The following GABBR2 variants were observed in gnomAD, a reference collection of about 807,000 sequenced individuals.
The protein encoded by GABBR2 is gamma-aminobutyric acid type B receptor subunit 2.
GABBR2 carries 23 observed loss-of-function variants against 105.6 expected under a neutral mutation model. The ratio of observed to expected loss-of-function variants is 0.22; its 90% confidence interval spans 0.16 to 0.31. The LOEUF (loss-of-function observed/expected upper bound fraction) is 0.31, where lower values mean the gene tolerates loss of function less well. GABBR2 is among the 10% of genes least tolerant of loss of function. The probability of loss-of-function intolerance (pLI) is 1.00; values close to 1 mark genes in which losing one functional copy is unlikely to be tolerated. For synonymous variants in GABBR2, 478 were observed against 499.7 expected (o/e 0.96, Z 0.58); for missense variants, 734 against 1,245.5 (o/e 0.59, Z 6.18).
intron 14 of GABBR2, among the ~76,000 whole-genome samples, chr9:98,308,613 C>T (rs1209136213): frequency 6.6e-6 from 1 of 151,982 alleles, no homozygotes; most frequent in African/African-American, 2.4e-5. Context: ...CAAAGGAGAC[C>T]CTTGGGGAGA....
At position 98,311,574 on chromosome 9, in the gene GABBR2, G is replaced by C. The variant is rs1345697422; in HGVS notation, c.1894-369C>G. Among the ~76,000 whole-genome samples the C allele has an allele frequency of 3.9e-5, 6 of 152,326 alleles. No homozygotes were observed. In the East Asian group the frequency reaches 9.6e-4, roughly 24 times the overall value. ...GTTGTGAGAATGAGGTATAAAGTTAGGTCAGGAGGTCTTCAGGTATCTCTG... is the reference window on the plus strand; with the variant it reads ...GTTGTGAGAATGAGGTATAAAGTTACGTCAGGAGGTCTTCAGGTATCTCTG... On this transcript the variant is annotated intron_variant, in intron 13 of 18. Transcript: ENST00000259455.
intron 13 of GABBR2, among the ~76,000 whole-genome samples, chr9:98,323,894 T>C (rs1830870041): frequency 6.6e-6 from 1 of 152,228 alleles, no homozygotes; most frequent in Non-Finnish European, 1.5e-5. Flanking sequence ...ATCAGGACTC[T>C]GTACCACGTG....
At chr9:98,402,662 G>T (rs1832414946) in intron 8 of GABBR2, among the ~76,000 whole-genome samples, 1 of 152,122 alleles carries the variant, frequency 6.6e-6, no homozygotes, top group Non-Finnish European at 1.5e-5. Flanking sequence ...GGCAACCGAG[G>T]CTCAGTCCTA....
chr9:98,559,713 A>G (rs1828637872), intron 2 of GABBR2, among the ~76,000 whole-genome samples: 1 of 152,340 alleles, frequency 6.6e-6, no homozygotes, highest in Admixed American at 6.5e-5. Flanking sequence ...CCCAGTTTAC[A>G]CTGGCACAAA....
At chr9:98,422,496 C>G (rs989302553) in intron 7 of GABBR2, among the ~76,000 whole-genome samples, 6 of 146,472 alleles carry the variant, frequency 4.1e-5, no homozygotes, top group Admixed American at 1.4e-4. Context: ...CTTAATGCAC[C>G]TGTGTGTGTG....
intron 11 of GABBR2, among the ~76,000 whole-genome samples, chr9:98,376,337 T>C (rs1322295200): frequency 6.6e-6 from 1 of 152,218 alleles, no homozygotes; most frequent in Non-Finnish European, 1.5e-5. Flanking sequence ...ATGGGACTGC[T>C]GTGCTCCGGG....
chr9:98,665,081 A>G (rs1209518173), intron 1 of GABBR2, among the ~76,000 whole-genome samples: 1 of 152,208 alleles, frequency 6.6e-6, no homozygotes. Flanking sequence ...AGACTAGGCA[A>G]CAGAATGAGA....
At chr9:98,496,558 C>T in intron 3 of GABBR2, 44 bp from the exon 4 acceptor site, 2 of 1,291,736 alleles carry the variant, frequency 1.5e-6, no homozygotes, top group South Asian at 2.4e-5. Flanking sequence ...CTGGGGACCA[C>T]AGGAAGGGCC....
chr9:98,449,862 C>T (rs1588167508), intron 7 of GABBR2, among the ~76,000 whole-genome samples: 1 of 152,250 alleles, frequency 6.6e-6, no homozygotes, highest in East Asian at 1.9e-4. Context: ...AGATGTACGG[C>T]ACCCCCAAGT....
At chr9:98,590,658 G>A (rs76990276) in intron 1 of GABBR2, among the ~76,000 whole-genome samples, 1,790 of 152,350 alleles carry the variant, frequency 0.012, 33 homozygotes, top group African/African-American at 0.041. Context: ...GGGGGTGGGG[G>A]CTGGATCGCC....
In GABBR2 at chr9:98,388,846, T is replaced by G. The variant is rs1588135597; in HGVS notation, c.1529+8A>C. 1 of 1,610,026 alleles carries G rather than the reference T, an allele frequency of 6.2e-7. No individual in the cohort carries two copies. Among genetic ancestry groups the G allele is most frequent in the Non-Finnish European group, 8.5e-7 (1 of 1,177,304 alleles). Reference sequence around the variant, plus strand: ...GTGATATCACAGAGGAGGACCAGGGTGGCTTACTTCTGATTCCGGTTCTTG... The same window carrying G: ...GTGATATCACAGAGGAGGACCAGGGGGGCTTACTTCTGATTCCGGTTCTTG... On this transcript the variant is annotated splice_region_variant and intron_variant, in intron 10 of 18. Transcript: ENST00000259455. The surrounding 1 kb of genome is among the most constrained non-coding windows in gnomAD (Gnocchi z 4.4).
At chr9:98,324,755 G>C (rs1349375954) in intron 13 of GABBR2, among the ~76,000 whole-genome samples, 1 of 152,174 alleles carries the variant, frequency 6.6e-6, no homozygotes, top group Non-Finnish European at 1.5e-5. Flanking sequence ...GTGCTCTGCA[G>C]TGGGGCTCAT....
At chr9:98,393,094 C>T (rs1564048397) in intron 9 of GABBR2, among the ~76,000 whole-genome samples, 2 of 149,980 alleles carry the variant, frequency 1.3e-5, no homozygotes, top group Non-Finnish European at 3.0e-5. Flanking sequence ...ATCCACCCAA[C>T]CATCCATCCA....
At chr9:98,490,071 C>T (rs949390357) in intron 4 of GABBR2, among the ~76,000 whole-genome samples, 8 of 152,100 alleles carry the variant, frequency 5.3e-5, no homozygotes, top group Non-Finnish European at 1.0e-4. Flanking sequence ...CCAGCCTGGG[C>T]GACAGAGCAA....
intron 1 of GABBR2, among the ~76,000 whole-genome samples, chr9:98,595,933 C>T (rs1190553205): frequency 1.3e-5 from 2 of 152,178 alleles, no homozygotes; most frequent in African/African-American, 2.4e-5. Flanking sequence ...ATGGCTTCTG[C>T]CATGACACCT....
rs1166001117 is a variant in GABBR2, at chr9:98,541,867, G to A, written c.630+6C>T. The A allele has an allele frequency of 1.2e-6, 2 of 1,613,664 alleles. No homozygotes were observed. Among genetic ancestry groups the A allele is most frequent in the Admixed American group, 3.3e-5 (2 of 60,006 alleles). ...GGCAGGCCGTGTCCACACAAGCCGA[G>A]CGTACCTCAGAGAACCTCTGAACGT... On this transcript the variant is annotated splice_donor_region_variant and intron_variant, in intron 3 of 18. Coordinates refer to ENST00000259455, the MANE Select transcript of GABBR2 (RefSeq NM_005458.8).
intron 11 of GABBR2, among the ~76,000 whole-genome samples, chr9:98,380,940 C>T (rs757734722): frequency 2.6e-5 from 4 of 152,334 alleles, no homozygotes; most frequent in Middle Eastern, 3.4e-3. Context: ...GAGAAAAAAG[C>T]GGCATGTATA....
intron 13 of GABBR2, among the ~76,000 whole-genome samples, chr9:98,354,129 TTTAA>T (rs1189283506): frequency 5.9e-5 from 9 of 152,354 alleles, no homozygotes; most frequent in South Asian, 2.1e-4. Context: ...AAAAGAGTAT[TTTAA>T]TTAATTAATT....
At chr9:98,492,280 A>G (rs1827189503) in intron 4 of GABBR2, among the ~76,000 whole-genome samples, 2 of 142,874 alleles carry the variant, frequency 1.4e-5, no homozygotes. Flanking sequence ...CTGTAGAATA[A>G]TGGAAATTTT....
Sources: allele counts gnomAD v4.1 joint callset (sites outside exome capture counted in the v4.1 genomes callset), GRCh38; gene constraint gnomAD v4.1.1; non-coding constraint Gnocchi (gnomAD v3.1); transcripts MANE v1.5; gene names NCBI Gene and HGNC (gene_info 2026-07-23, HGNC 2026-07-21).